SLC26A11: variants seen among roughly 807,000 people sequenced by gnomAD.
The protein encoded by SLC26A11 is solute carrier family 26 member 11.
A neutral mutation model predicts 62.2 loss-of-function variants in SLC26A11; 58 were observed. The observed-to-expected ratio is 0.93, with a 90% CI of 0.76 to 1.16. SLC26A11 has a LOEUF of 1.16. SLC26A11 is among the 50% of genes most tolerant of loss of function. SLC26A11 has a pLI of 0.00. For missense variants in SLC26A11, 790 were observed against 794.3 expected (o/e 0.99, Z 0.06); for synonymous variants, 411 against 368.9 (o/e 1.11, Z -1.31).
At chr17:80,245,531 C>T (rs749141585) in intron 11 of SLC26A11, among the ~76,000 whole-genome samples, 2 of 152,124 alleles carry the variant, frequency 1.3e-5, no homozygotes, top group African/African-American at 4.8e-5. Flanking sequence ...GCAGGAGAAT[C>T]GCTTGAGCCC....
chr17:80,240,244 G>T (rs374621274), intron 9 of SLC26A11, among the ~76,000 whole-genome samples: 5 of 152,262 alleles, frequency 3.3e-5, no homozygotes, highest in African/African-American at 1.2e-4. Context: ...GCGGGCGCCT[G>T]TAGTCCCAGC....
Position 80,248,265 on chromosome 17 carries a change from T to A in SLC26A11, c.1422+8T>A. On this transcript the variant is annotated splice_region_variant and intron_variant, in intron 14 of 17. Coordinates refer to ENST00000361193, the MANE Select transcript of SLC26A11 (RefSeq NM_001166347.2). The stretch of plus-strand genomic sequence containing the variant: ...GCCAGGCCTGAGACCAAGGTACCCC[T>A]CCGTGGCCTCTGAGTGGGGAGTGTG... 6.2e-7 allele frequency: 1 copy of A among 1,605,022 alleles called. No individual in the cohort carries two copies. Among genetic ancestry groups the A allele is most frequent in the Non-Finnish European group, 8.5e-7 (1 of 1,177,490 alleles).
At chr17:80,240,343 G>A (rs2144944792) in intron 9 of SLC26A11, among the ~76,000 whole-genome samples, 1 of 152,100 alleles carries the variant, frequency 6.6e-6, no homozygotes, top group South Asian at 2.1e-4. Flanking sequence ...CTCCAGCCTG[G>A]GCGACAGAGC....
At chr17:80,229,908 A>G (rs555901506) in intron 7 of SLC26A11, among the ~76,000 whole-genome samples, 13 of 152,156 alleles carry the variant, frequency 8.5e-5, no homozygotes, top group African/African-American at 2.9e-4. Flanking sequence ...TCAGCTTAGA[A>G]GTCAAAGTTT....
At chr17:80,221,926 T>A (rs2042217847) in intron 3 of SLC26A11, 132 bp downstream of exon 3, 2 of 935,348 alleles carry the variant, frequency 2.1e-6, no homozygotes, top group Non-Finnish European at 3.1e-6. Context: ...TTACAGTGTG[T>A]GACGCAGATT....
chr17:80,229,239 G>A (rs1444239320), intron 7 of SLC26A11, among the ~76,000 whole-genome samples: 1 of 151,982 alleles, frequency 6.6e-6, no homozygotes, highest in South Asian at 2.1e-4. Flanking sequence ...ATCCTGTTCA[G>A]CAGACTTGAG....
intron 6 of SLC26A11, among the ~76,000 whole-genome samples, chr17:80,226,656 A>G (rs535055618): frequency 2.0e-4 from 31 of 152,240 alleles, no homozygotes; most frequent in Admixed American, 1.3e-3. Flanking sequence ...AGCTGAGATC[A>G]CGCCACTGCA....
chr17:80,223,838 T>C lies in SLC26A11; in HGVS notation c.513+501T>C, dbSNP rs1042225693. ...ATATTTTCTTTTAAAACATTTATAA[T>C]AAGTACTAAAATCAGTCATCAGCTG... On this transcript the variant is annotated intron_variant, in intron 5 of 17. Coordinates refer to ENST00000361193, the MANE Select transcript of SLC26A11 (RefSeq NM_001166347.2). The surrounding 1 kb of genome is among the most constrained non-coding windows in gnomAD (Gnocchi z 4.6). Among the ~76,000 whole-genome samples the C allele has an allele frequency of 7.9e-5, 12 of 152,256 alleles. No individual in the cohort carries two copies. The highest frequency in any genetic ancestry group is 2.7e-4 in the African/African-American group (11 of 41,464).
intron 7 of SLC26A11, among the ~76,000 whole-genome samples, chr17:80,236,082 C>T (rs11656263): frequency 0.059 from 8,929 of 152,280 alleles, 384 homozygotes; most frequent in Non-Finnish European, 0.093. Flanking sequence ...GGCTAATCTT[C>T]CCCACTGCTG....
chr17:80,235,051 T>A (rs539095943), intron 7 of SLC26A11, among the ~76,000 whole-genome samples: 1 of 152,148 alleles, frequency 6.6e-6, no homozygotes, highest in Non-Finnish European at 1.5e-5. Flanking sequence ...AGCTTCACTG[T>A]GTTGGCTGGG....
At position 80,249,155 on chromosome 17, in the gene SLC26A11, G is replaced by T; in HGVS notation, c.1524G>T (p.Val508=). Residue 508 remains valine (V), a splice_region_variant and synonymous_variant, in exon 16 of 18, where the codon GTG becomes GTT. Transcript: ENST00000361193. ...CCTGGCTCGGGCCTGTCTCCCCAGT[G>T]TCCCCGCCACGCTGCCTGGTCCTGG... ...REEILSRALE[V]SPPRCLVLEC... is the part of the protein sequence containing the mutation. 1 of 1,605,272 alleles carries T rather than the reference G, an allele frequency of 6.2e-7. No homozygotes were observed. Among genetic ancestry groups the T allele is most frequent in the Non-Finnish European group, 8.5e-7 (1 of 1,179,382 alleles).
chr17:80,234,002 A>G (rs1293937713), intron 7 of SLC26A11, among the ~76,000 whole-genome samples: 1 of 150,882 alleles, frequency 6.6e-6, no homozygotes, highest in African/African-American at 2.4e-5. Flanking sequence ...AAAAAAAGTT[A>G]TTTATTATTT....
intron 7 of SLC26A11, among the ~76,000 whole-genome samples, chr17:80,234,472 T>G (rs2042640389): frequency 6.6e-6 from 1 of 151,056 alleles, no homozygotes; most frequent in Non-Finnish European, 1.5e-5. Context: ...TAGTGTTTTT[T>G]TGTTTGTTTG....
Position 80,252,640 on chromosome 17 carries a change from A to G in SLC26A11, c.1745A>G (p.Gln582Arg). The G allele has an allele frequency of 6.2e-7, 1 of 1,613,954 alleles. No homozygotes were observed. The highest frequency in any genetic ancestry group is 8.5e-7 in the Non-Finnish European group (1 of 1,179,928). ...TTTTCTGCAGAGAAGCACCTGAGGC[A>G]GGAGCCAGGGACCCAGCCCTACAAC... ...TLEEAEKHLRQEPGTQPYNIR... is the reference protein window; with the variant it reads ...TLEEAEKHLRREPGTQPYNIR... Residue 582 changes from glutamine to arginine, a missense_variant, in exon 18 of 18, where the codon CAG becomes CGG. Physicochemically the swap from Gln to Arg is conservative, Grantham distance 43. Transcript: ENST00000361193. This position sits in a 1 kb window ranked among gnomAD's most constrained non-coding sequence, Gnocchi z 5.2.
chr17:80,240,905 G>A (rs2042843509), intron 9 of SLC26A11, among the ~76,000 whole-genome samples: 1 of 152,154 alleles, frequency 6.6e-6, no homozygotes, highest in Non-Finnish European at 1.5e-5. Context: ...GAGCTTAGGA[G>A]TTTGAAACCC....
chr17:80,222,062 G>A lies in SLC26A11; in HGVS notation c.234+268G>A, dbSNP rs2042225631. 4.5e-6 allele frequency: 2 copies of A among 445,140 alleles called. No individual in the cohort carries two copies. The highest frequency in any genetic ancestry group is 4.1e-5 in the African/African-American group (2 of 49,320). 27.6% of individuals were successfully genotyped at this position (445,140 alleles called of 1,614,324 possible). A position where few individuals can be genotyped will look rare whatever the true frequency, so the allele number is the denominator to read the frequency against. On this transcript the variant is annotated intron_variant, in intron 3 of 17. Coordinates refer to ENST00000361193, the MANE Select transcript of SLC26A11 (RefSeq NM_001166347.2). This position sits in a 1 kb window ranked among gnomAD's most constrained non-coding sequence, Gnocchi z 4.7. Reference sequence around the variant, plus strand: ...TCAAGACCAGCCCGACCAAAATGGTGAAACCCCGTCTCCACTAAAAATACA... The same window carrying A: ...TCAAGACCAGCCCGACCAAAATGGTAAAACCCCGTCTCCACTAAAAATACA...
chr17:80,248,220 T>G lies in SLC26A11; in HGVS notation c.1385T>G (p.Leu462Arg). The change falls in exon 14 of 18, where the codon CTC becomes CGC. Residue 462 changes from leucine to arginine, a missense_variant. Transcript: ENST00000361193. ...CTGGCCGGGGCCCTGGTGTCTCTGC[T>G]CATGCTCCTGCACTCTGCAGCCAGG... The part of the protein sequence containing the change: ...GILAGALVSL[L>R]MLLHSAARPE... 6.2e-7 allele frequency: 1 copy of G among 1,609,760 alleles called. No homozygotes were observed. The highest frequency in any genetic ancestry group is 8.5e-7 in the Non-Finnish European group (1 of 1,179,482).
intron 10 of SLC26A11, among the ~76,000 whole-genome samples, chr17:80,242,987 G>A (rs779166074): frequency 4.6e-5 from 7 of 152,054 alleles, no homozygotes; most frequent in East Asian, 1.9e-4. Flanking sequence ...GATTACAGGC[G>A]TGAGCCACCG....
rs771370243 is a variant in SLC26A11 at position 80,251,375 on chromosome 17, A to G, written c.1703A>G (p.Gln568Arg). 10 of 1,614,024 alleles carry G rather than the reference A, an allele frequency of 6.2e-6. No individual in the cohort carries two copies. In the African/African-American group the frequency reaches 9.3e-5, roughly 15 times the overall value. Residue 568 changes from glutamine to arginine, a missense_variant, in exon 17 of 18, where the codon CAG becomes CGG. Physicochemically the swap from Gln to Arg is conservative, Grantham distance 43. Coordinates refer to ENST00000361193, the MANE Select transcript of SLC26A11 (RefSeq NM_001166347.2). ...VLLSADLKGF[Q>R]YFSTLEEAEK... ...CTGTCCGCTGACCTGAAGGGGTTCC[A>G]GTACTTCTCTACCCTGGAAGAAGCA... is the stretch of plus-strand genomic sequence containing the variant.
Sources: gnomAD v4.1 joint callset for allele counts (sites outside exome capture counted in the v4.1 genomes callset) on GRCh38, gnomAD v4.1.1 for gene constraint, Gnocchi (gnomAD v3.1) non-coding constraint, MANE v1.5 for transcripts, NCBI Gene and HGNC (gene_info 2026-07-23, HGNC 2026-07-21) for gene names.